The following PREB variants were observed in gnomAD, a reference collection of about 807,000 sequenced individuals.
PREB encodes prolactin regulatory element binding.
PREB carries 29 observed loss-of-function variants against 46.7 expected under a neutral mutation model. The observed-to-expected ratio is 0.62, with a 90% CI of 0.46 to 0.85. The LOEUF (loss-of-function observed/expected upper bound fraction) is 0.85, where lower values mean the gene tolerates loss of function less well. Ranked by LOEUF, PREB falls within the 40% of genes least tolerant of loss-of-function variation. The pLI, the probability that PREB is intolerant of heterozygous loss-of-function variation, is 0.00. For synonymous variants in PREB, 224 were observed against 220.1 expected (o/e 1.02, Z -0.16); for missense variants, 494 against 528.4 (o/e 0.93, Z 0.64).
rs1175823210 is a variant in PREB at position 27,131,171 on chromosome 2, C to T, written c.*243G>A. 7.1e-6 allele frequency: 4 copies of T among 567,006 alleles called. No individual in the cohort carries two copies. Among genetic ancestry groups the T allele is most frequent in the Admixed American group, 3.1e-5 (1 of 31,926 alleles). The allele number at this position is 567,006 out of a possible 1,614,324, so 35.1% of individuals were successfully genotyped here. Reference sequence around the variant, plus strand: ...AGAAGAAAGGAGGCAGGGAGTATGGCCTGGGCTTCAGATACCGCTGTTCTG... The same window carrying T: ...AGAAGAAAGGAGGCAGGGAGTATGGTCTGGGCTTCAGATACCGCTGTTCTG... On this transcript the variant is annotated 3_prime_UTR_variant, in exon 9 of 9. Transcript: ENST00000260643.
chr2:27,131,541 A>G, intron 8 of PREB, 33 bp from the exon 9 acceptor site: 1 of 1,601,106 alleles, frequency 6.2e-7, no homozygotes, highest in Non-Finnish European at 8.5e-7. Flanking sequence ...GTCAGCGGGC[A>G]AAAGGGCTTC....
At position 27,133,296 on chromosome 2, in the gene PREB, G is replaced by T; in HGVS notation, c.367C>A (p.Pro123Thr). The T allele has an allele frequency of 6.2e-7, 1 of 1,614,142 alleles. No individual in the cohort carries two copies. The highest frequency in any genetic ancestry group is 8.5e-7 in the Non-Finnish European group (1 of 1,180,024). ...TCCGCTCCACATTTCTTCTCTGCTG[G>T]GGCTGCTCCCTTCCTTTGTCGAGGC... is the stretch of plus-strand genomic sequence containing the variant. ...QGPRQRKGAA[P>T]AEKKCGAETQ... is the part of the protein sequence containing the mutation. The change falls in exon 3 of 9, where the codon CCA (proline) becomes ACA (threonine). Residue 123 changes from proline (P) to threonine (T), a missense_variant. Physicochemically the swap from Pro to Thr is conservative, Grantham distance 38. Coordinates refer to ENST00000260643, the MANE Select transcript of PREB (RefSeq NM_013388.6).
intron 1 of PREB, chr2:27,134,025 C>T: frequency 1.6e-6 from 1 of 614,938 alleles, no homozygotes; most frequent in Non-Finnish European, 2.8e-6. Context: ...GTATAAGACC[C>T]CTGGAGCTGC....
rs147943408 is a variant in PREB, at chr2:27,133,048, G to A, written c.546+69C>T. On this transcript the variant is annotated intron_variant, in intron 3 of 8. Coordinates refer to ENST00000260643, the MANE Select transcript of PREB (RefSeq NM_013388.6). ...CATTCACAAGTTTCCCAGATGCCACGTTCAACTTCTCACAATTTTGATCCT... is the reference window on the plus strand; with the variant it reads ...CATTCACAAGTTTCCCAGATGCCACATTCAACTTCTCACAATTTTGATCCT... 5.9e-5 allele frequency: 94 copies of A among 1,589,728 alleles called. 2 individuals carry two copies. In the African/African-American group the frequency reaches 7.9e-4, roughly 13 times the overall value.
chr2:27,131,532 T>TCAG, intron 8 of PREB, 24 bp from the exon 9 acceptor site: 1 of 1,596,700 alleles, frequency 6.3e-7, no homozygotes, highest in Non-Finnish European at 8.5e-7. Flanking sequence ...AGGGAGGAGG[T>TCAG]CAGCGGGCAA....
Position 27,130,862 on chromosome 2 carries a change from G to A in PREB, c.*552C>T. 8.4e-7 allele frequency: 1 copy of A among 1,194,718 alleles called. No homozygotes were observed. Among genetic ancestry groups the A allele is most frequent in the South Asian group, 1.5e-5 (1 of 68,856 alleles). The allele number at this position is 1,194,718 out of a possible 1,614,324, so 74.0% of individuals were successfully genotyped here. A position where few individuals can be genotyped will look rare whatever the true frequency, so the allele number is the denominator to read the frequency against. ...CCTCAAGGTAAGGGTAGACTACCTA[G>A]GAACTTATTGCATCTTTAGGCCAGC... On this transcript the variant is annotated 3_prime_UTR_variant, in exon 9 of 9. Transcript: ENST00000260643.
chr2:27,133,806 C>T, intron 1 of PREB, 85 bp from the exon 2 acceptor site: 13 of 1,364,036 alleles, frequency 9.5e-6, no homozygotes, highest in Non-Finnish European at 1.3e-5. Context: ...TACCCCTTTG[C>T]TTTCTGCACG....
Position 27,132,444 on chromosome 2 carries a change from C to A in PREB, c.753-41G>T. The A allele has an allele frequency of 1.3e-6, 2 of 1,596,974 alleles. No homozygotes were observed. The highest frequency in any genetic ancestry group is 1.1e-5 in the South Asian group (1 of 89,418). ...GGGGCTATTCAGCTCCTAGGGCCTGCCCAACCCTCCTCAGAGGTTTGTGCA... is the reference window on the plus strand; with the variant it reads ...GGGGCTATTCAGCTCCTAGGGCCTGACCAACCCTCCTCAGAGGTTTGTGCA... On this transcript the variant is annotated intron_variant, in intron 5 of 8. Transcript: ENST00000260643. The surrounding 1 kb of genome is among the most constrained non-coding windows in gnomAD (Gnocchi z 4.0).
chr2:27,133,836 CTCGAG>C, intron 1 of PREB, 115 bp from the exon 2 acceptor site: 2 of 1,082,322 alleles, frequency 1.8e-6, no homozygotes, highest in Non-Finnish European at 2.6e-6. Context: ...ACAAGGGTTT[CTCGAG>C]TCTTTTTTCT....
At position 27,132,348 on chromosome 2, in the gene PREB, G is replaced by C. The variant is rs759305585; in HGVS notation, c.808C>G (p.Pro270Ala). The C allele has an allele frequency of 2.5e-6, 4 of 1,613,844 alleles. No homozygotes were observed. In the African/African-American group the frequency reaches 5.3e-5, roughly 22 times the overall value. ...AGLRLFTVQI[P>A]HKRLRQPPPC... is the part of the protein sequence containing the mutation. Reference sequence around the variant, plus strand: ...GGGGGCTGGCGCAGGCGCTTGTGGGGAATTTGCACTGTGAAGAGTCGCAGG... The same window carrying C: ...GGGGGCTGGCGCAGGCGCTTGTGGGCAATTTGCACTGTGAAGAGTCGCAGG... Residue 270 changes from proline (P) to alanine (A), a missense_variant, in exon 6 of 9, where the codon CCC becomes GCC. Pro to Ala is a conservative substitution (Grantham distance 27, BLOSUM62 -1). Coordinates refer to ENST00000260643, the MANE Select transcript of PREB (RefSeq NM_013388.6). This position sits in a 1 kb window ranked among gnomAD's most constrained non-coding sequence, Gnocchi z 4.0.
rs965892880 is a variant in PREB, at chr2:27,134,511, C to A, written c.-90G>T. The A allele has an allele frequency of 7.2e-6, 10 of 1,389,466 alleles. No homozygotes were observed. Among genetic ancestry groups the A allele is most frequent in the South Asian group, 6.5e-5 (4 of 61,440 alleles). The allele number at this position is 1,389,466 out of a possible 1,614,324, so 86.1% of individuals were successfully genotyped here. On this transcript the variant is annotated 5_prime_UTR_variant, in exon 1 of 9. Transcript: ENST00000260643. ...CTACTGCCCCGGCGGCTGGTGAACT[C>A]GGCCCCGTCGCCGCCGGGAGCACTC...
intron 3 of PREB, 43 bp downstream of exon 3, chr2:27,133,074 G>A: frequency 6.2e-7 from 1 of 1,600,932 alleles, no homozygotes; most frequent in Non-Finnish European, 8.6e-7. Flanking sequence ...TTTTGATCCT[G>A]TTGCTACTGA....
rs1006330305 is a variant in PREB, at chr2:27,131,570, C to A, written c.1160-62G>T. The A allele has an allele frequency of 1.5e-5, 24 of 1,597,720 alleles. No homozygotes were observed. In the Admixed American group the frequency reaches 4.1e-4, roughly 27 times the overall value. ...GGGCTTCCCAGCCTGAAAACCAGAACCCTTCAAAGGAGGAGTGGCACAAAG... is the reference window on the plus strand; with the variant it reads ...GGGCTTCCCAGCCTGAAAACCAGAAACCTTCAAAGGAGGAGTGGCACAAAG... On this transcript the variant is annotated intron_variant, in intron 8 of 8. Transcript: ENST00000260643.
chr2:27,134,233 G>A, intron 1 of PREB, 54 bp downstream of exon 1: 10 of 1,494,242 alleles, frequency 6.7e-6, no homozygotes, highest in Non-Finnish European at 8.9e-6. Context: ...CGGCCACCCT[G>A]GAATCGCCGC....
Position 27,130,780 on chromosome 2 carries a change from C to T in PREB, c.*634G>A, listed in dbSNP as rs1387707634. On this transcript the variant is annotated 3_prime_UTR_variant, in exon 9 of 9. Coordinates refer to ENST00000260643, the MANE Select transcript of PREB (RefSeq NM_013388.6). ...ATTTGGGGTCTCAGTTCACTCTTTC[C>T]TTGTTTATTAAATATCAACTTTTCC... 11 of 1,596,840 alleles carry T rather than the reference C, an allele frequency of 6.9e-6. No homozygotes were observed. The highest frequency in any genetic ancestry group is 9.4e-6 in the Non-Finnish European group (11 of 1,165,442).
chr2:27,132,804 TCTC>T lies in PREB; in HGVS notation c.627+36_627+38del, dbSNP rs772394838. 25 of 1,609,066 alleles carry T rather than the reference TCTC, an allele frequency of 1.6e-5. No individual in the cohort carries two copies. The highest frequency in any genetic ancestry group is 1.9e-5 in the Non-Finnish European group (22 of 1,179,330). On this transcript the variant is annotated intron_variant, in intron 4 of 8. Coordinates refer to ENST00000260643, the MANE Select transcript of PREB (RefSeq NM_013388.6). This position sits in a 1 kb window ranked among gnomAD's most constrained non-coding sequence, Gnocchi z 4.0. ...GGGCAAGCAGCATAAGCACCTCCTC[TCTC>T]CTTTCTCCATCCTCCTCCCACCCCC...
chr2:27,132,556 C>T lies in PREB; in HGVS notation c.752+47G>A, dbSNP rs1314468830. ...CCCCAGTCTTTTCCCTCTCCCCCAC[C>T]ACAGCTGGGCTATGCCTCTTTCAGC... On this transcript the variant is annotated intron_variant, in intron 5 of 8. Transcript: ENST00000260643. The surrounding 1 kb of genome is among the most constrained non-coding windows in gnomAD (Gnocchi z 4.0). 1 of 1,611,246 alleles carries T rather than the reference C, an allele frequency of 6.2e-7. No individual in the cohort carries two copies. The highest frequency in any genetic ancestry group is 8.5e-7 in the Non-Finnish European group (1 of 1,178,792).
rs1177417633 is a variant in PREB, at chr2:27,133,352, C to T, written c.326-15G>A. 4 of 1,613,590 alleles carry T rather than the reference C, an allele frequency of 2.5e-6. No individual in the cohort carries two copies. The highest frequency in any genetic ancestry group is 3.4e-6 in the Non-Finnish European group (4 of 1,179,830). On this transcript the variant is annotated splice_polypyrimidine_tract_variant and intron_variant, in intron 2 of 8. Coordinates refer to ENST00000260643, the MANE Select transcript of PREB (RefSeq NM_013388.6). ...CTCCTTGGAACCTGTAACACAAACA[C>T]TTGGCCAGGTTCCAGGCTTCTACAG...
Position 27,134,060 on chromosome 2 carries a change from T to C in PREB, c.135+227A>G, listed in dbSNP as rs569629110. ...CTCTGAGGCGGAGCTGAAGCGTTCC[T>C]GGCGACTCTGCAGCTGTGTGCAGTT... is the stretch of plus-strand genomic sequence containing the variant. On this transcript the variant is annotated intron_variant, in intron 1 of 8. Transcript: ENST00000260643. The C allele has an allele frequency of 2.4e-5, 16 of 666,768 alleles. 1 individual carries two copies. In the East Asian group the frequency reaches 4.6e-4, roughly 19 times the overall value. 41.3% of individuals were successfully genotyped at this position (666,768 alleles called of 1,614,324 possible). A position where few individuals can be genotyped will look rare whatever the true frequency, so the allele number is the denominator to read the frequency against.
Sources: allele counts gnomAD v4.1 joint callset, GRCh38; gene constraint gnomAD v4.1.1; non-coding constraint Gnocchi (gnomAD v3.1); transcripts MANE v1.5; gene names NCBI Gene and HGNC (gene_info 2026-07-23, HGNC 2026-07-21).